Variants in PCDHGB2 observed in about 807,000 individuals in gnomAD.
PCDHGB2 encodes the protein protocadherin gamma subfamily B, 2, also known as protocadherin gamma-B2.
In PCDHGB2, 55 loss-of-function variants were observed where a neutral mutation model predicts 59.3. That is an observed-to-expected ratio of 0.93 (90% CI 0.75 to 1.16). PCDHGB2 has a LOEUF of 1.16. PCDHGB2 is among the 50% of genes most tolerant of loss of function. The probability of loss-of-function intolerance (pLI) is 0.00; values close to 1 mark genes in which losing one functional copy is unlikely to be tolerated. For synonymous variants in PCDHGB2, 516 were observed against 512.0 expected, an observed-to-expected ratio of 1.01 and a Z score of -0.11; for missense variants, 1,228 against 1,198.5, an observed-to-expected ratio of 1.02 and a Z score of -0.36.
At chr5:141,461,178 G>A (rs2154567263) in intron 1 of PCDHGB2, among the ~76,000 whole-genome samples, 1 of 152,144 alleles carries the variant, frequency 6.6e-6, no homozygotes, top group East Asian at 1.9e-4. Context: ...TGGATTGAAT[G>A]GTAGATCTGT....
intron 1 of PCDHGB2, chr5:141,366,307 GGTCACCGTTGCC>G: frequency 5.6e-6 from 9 of 1,613,748 alleles, no homozygotes; most frequent in Non-Finnish European, 7.6e-6. Flanking sequence ...CCACCTTCAC[GGTCACCGTTGCC>G]GTGGCCGACA....
At chr5:141,374,865 T>C (rs759726307) in intron 1 of PCDHGB2, 2 of 1,613,676 alleles carry the variant, frequency 1.2e-6, no homozygotes, top group African/African-American at 1.3e-5. Flanking sequence ...GGCACACCAG[T>C]GTTGGCAGTG....
chr5:141,399,672 C>T (rs1322373656), intron 1 of PCDHGB2: 1 of 1,613,510 alleles, frequency 6.2e-7, no homozygotes, highest in Admixed American at 1.7e-5. Context: ...CGCAGCGCGC[C>T]TTTGACTACG....
intron 1 of PCDHGB2, among the ~76,000 whole-genome samples, chr5:141,458,065 GA>G (rs541812590): frequency 3.5e-3 from 534 of 152,242 alleles, no homozygotes; most frequent in Middle Eastern, 6.8e-3. Context: ...GCACTGATGC[GA>G]ACAACTATAT....
chr5:141,511,267 C>A lies in PCDHGB2; in HGVS notation c.*94C>A, dbSNP rs1223074819. The A allele has an allele frequency of 6.5e-7, 1 of 1,549,404 alleles. No individual in the cohort carries two copies. Among genetic ancestry groups the A allele is most frequent in the Non-Finnish European group, 8.7e-7 (1 of 1,146,836 alleles). Reference sequence around the variant, plus strand: ...CCAGGCCTCAGAGTTTCAGGGCTAACCCCCAGAATACTGGTAGGGGCCAAG... The same window carrying A: ...CCAGGCCTCAGAGTTTCAGGGCTAAACCCCAGAATACTGGTAGGGGCCAAG... On this transcript the variant is annotated 3_prime_UTR_variant, in exon 4 of 4. Coordinates refer to ENST00000522605, the MANE Select transcript of PCDHGB2 (RefSeq NM_018923.3).
intron 1 of PCDHGB2, chr5:141,399,911 G>A: frequency 6.2e-7 from 1 of 1,612,384 alleles, no homozygotes; most frequent in Non-Finnish European, 8.5e-7. Flanking sequence ...GCAGACTCAG[G>A]ACACAACGCC....
At chr5:141,414,151 G>T in intron 1 of PCDHGB2, 2 of 1,600,336 alleles carry the variant, frequency 1.2e-6, no homozygotes, top group East Asian at 2.3e-5. Flanking sequence ...AATACAAGCA[G>T]AAGATGGAGG....
At chr5:141,440,593 T>C (rs1456640262) in intron 1 of PCDHGB2, 1 of 152,202 alleles carries the variant, frequency 6.6e-6, no homozygotes, top group African/African-American at 2.4e-5. Context: ...TGGAACAAGA[T>C]TTGCAACAGA....
chr5:141,408,112 C>T, intron 1 of PCDHGB2: 1 of 1,460,448 alleles, frequency 6.8e-7, no homozygotes, highest in African/African-American at 1.4e-5. Flanking sequence ...CCCGGGACTC[C>T]TCCTGTCCTG....
At chr5:141,423,126 G>A (rs1397550571) in intron 1 of PCDHGB2, 1 of 1,613,622 alleles carries the variant, frequency 6.2e-7, no homozygotes, top group Non-Finnish European at 8.5e-7. Context: ...CGCGGGCACT[G>A]CTGGACAGAG....
chr5:141,501,017 C>T (rs1383853662), intron 2 of PCDHGB2, among the ~76,000 whole-genome samples: 5 of 151,866 alleles, frequency 3.3e-5, no homozygotes, highest in African/African-American at 7.3e-5. Flanking sequence ...TACAGGCACG[C>T]GCCACCACGC....
At chr5:141,420,301 C>CT (rs768732518) in intron 1 of PCDHGB2, 1 of 1,462,190 alleles carries the variant, frequency 6.8e-7, no homozygotes, top group African/African-American at 1.4e-5. Flanking sequence ...GTATTTAATC[C>CT]TTTTTATATT....
intron 1 of PCDHGB2, chr5:141,403,838 G>C: frequency 6.2e-7 from 1 of 1,613,710 alleles, no homozygotes; most frequent in Non-Finnish European, 8.5e-7. Context: ...CCAGCTTAAT[G>C]AAAATACTGG....
intron 1 of PCDHGB2, chr5:141,403,227 G>C (rs2094378929): frequency 1.2e-6 from 2 of 1,608,848 alleles, no homozygotes; most frequent in African/African-American, 1.3e-5. Context: ...AGGATAGACC[G>C]GGAGGAGCTC....
chr5:141,442,485 G>A (rs1000683527), intron 1 of PCDHGB2: 2 of 152,248 alleles, frequency 1.3e-5, no homozygotes, highest in Non-Finnish European at 2.9e-5. Flanking sequence ...TGGGGAAGGG[G>A]ATGATTGTGA....
intron 2 of PCDHGB2, among the ~76,000 whole-genome samples, chr5:141,503,998 A>G (rs746158378): frequency 4.6e-5 from 7 of 152,104 alleles, no homozygotes; most frequent in Admixed American, 1.3e-4. Context: ...CCTTACAGTC[A>G]CTTAACTGTC....
chr5:141,365,252 G>A, intron 1 of PCDHGB2: 1 of 1,613,916 alleles, frequency 6.2e-7, no homozygotes, highest in East Asian at 2.2e-5. Context: ...ACAATCACTG[G>A]ACTATGAAGA....
In PCDHGB2 at chr5:141,489,406, A is replaced by T; in HGVS notation, c.2422-5401A>T. 6.2e-7 allele frequency: 1 copy of T among 1,614,166 alleles called. No individual in the cohort carries two copies. Among genetic ancestry groups the T allele is most frequent in the Non-Finnish European group, 8.5e-7 (1 of 1,180,028 alleles). Reference sequence around the variant, plus strand: ...TGTTGCTCAGGATCTGGGCTTAAAGATGACAGATCTGTTGAGCCGGCGGCT... The same window carrying T: ...TGTTGCTCAGGATCTGGGCTTAAAGTTGACAGATCTGTTGAGCCGGCGGCT... On this transcript the variant is annotated intron_variant, in intron 1 of 3. Coordinates refer to ENST00000522605, the MANE Select transcript of PCDHGB2 (RefSeq NM_018923.3). This position sits in a 1 kb window ranked among gnomAD's most constrained non-coding sequence, Gnocchi z 4.5.
At chr5:141,379,481 A>G (rs969144576) in intron 1 of PCDHGB2, 6 of 152,256 alleles carry the variant, frequency 3.9e-5, no homozygotes, top group Non-Finnish European at 5.9e-5. Context: ...ATGTTATTTT[A>G]CTATACTACC....
Sources: gnomAD v4.1 joint callset for allele counts (sites outside exome capture counted in the v4.1 genomes callset) on GRCh38, gnomAD v4.1.1 for gene constraint, Gnocchi (gnomAD v3.1) non-coding constraint, MANE v1.5 for transcripts, NCBI Gene and HGNC (gene_info 2026-07-23, HGNC 2026-07-21) for gene names.